The following ZNF140 variants were observed in gnomAD, a reference collection of about 807,000 sequenced individuals.
ZNF140 encodes zinc finger protein 140 (clone pHZ-39).
A neutral mutation model predicts 12.9 loss-of-function variants in ZNF140; 13 were observed. The observed-to-expected ratio is 1.01, with a 90% CI of 0.66 to 1.60. The LOEUF (loss-of-function observed/expected upper bound fraction) is 1.60. Among genes scored for constraint, ZNF140 ranks in the 40% most tolerant of loss-of-function variants. The pLI, the probability that ZNF140 is intolerant of heterozygous loss-of-function variation, is 0.00. For synonymous variants in ZNF140, 214 were observed against 186.7 expected, an observed-to-expected ratio of 1.15 and a Z score of -1.19; for missense variants, 531 against 548.8, an observed-to-expected ratio of 0.97 and a Z score of 0.32.
chr12:133,082,542 C>T (rs1211270483), intron 2 of ZNF140: 1 of 153,810 alleles, frequency 6.5e-6, no homozygotes, highest in Non-Finnish European at 1.4e-5. Context: ...ACATTCTCTT[C>T]TTGCGGAATC....
chr12:133,092,823 T>C (rs1470976431), intron 4 of ZNF140, among the ~76,000 whole-genome samples: 1 of 151,172 alleles, frequency 6.6e-6, no homozygotes, highest in Non-Finnish European at 1.5e-5. Flanking sequence ...CAGTCTATAA[T>C]AGTTCCAAAT....
At chr12:133,093,499 G>T in intron 4 of ZNF140, 1 of 698,952 alleles carries the variant, frequency 1.4e-6, no homozygotes, top group South Asian at 1.5e-5. Flanking sequence ...AACTTCTTTT[G>T]TAAGTTGTAA....
intron 4 of ZNF140, among the ~76,000 whole-genome samples, chr12:133,086,476 A>C (rs1461296389): frequency 6.5e-5 from 8 of 122,200 alleles, no homozygotes; most frequent in Admixed American, 6.1e-4. Flanking sequence ...CTGCGAAGTG[A>C]ATCTTGAAGA....
intron 4 of ZNF140, among the ~76,000 whole-genome samples, chr12:133,096,165 G>C (rs1212333800): frequency 2.1e-5 from 3 of 143,366 alleles, no homozygotes; most frequent in African/African-American, 7.8e-5. Flanking sequence ...GGTCCCTGTG[G>C]CTTTCTGCAG....
intron 2 of ZNF140, 44 bp downstream of exon 2, chr12:133,081,373 A>ATATATATATATATATATATATATT (rs1481354616): frequency 8.9e-6 from 2 of 223,828 alleles, no homozygotes; most frequent in African/African-American, 2.9e-5. Flanking sequence ...ATATATATAA[A>ATATATATATATATATATATATATT]TTTTTATTTT....
chr12:133,096,615 C>T (rs1955139586), intron 4 of ZNF140, among the ~76,000 whole-genome samples: 1 of 152,120 alleles, frequency 6.6e-6, no homozygotes, highest in South Asian at 2.1e-4. Context: ...TTTTAAGTTT[C>T]AGATTTCTTG....
chr12:133,085,129 A>C (rs1270002114), intron 4 of ZNF140, among the ~76,000 whole-genome samples: 2 of 151,646 alleles, frequency 1.3e-5, no homozygotes, highest in Non-Finnish European at 2.9e-5. Flanking sequence ...GGTTCAAGTG[A>C]TTCTGCTGCT....
In ZNF140 at chr12:133,106,663, A is replaced by G. The variant is rs866048915; in HGVS notation, c.*12A>G. 1 of 1,549,330 alleles carries G rather than the reference A, an allele frequency of 6.5e-7. No homozygotes were observed. Reference sequence around the variant, plus strand: ...CTGAACACCAGTGAATTTACACTGCAAAGAAAAACTATGAATGTATGGAAT... The same window carrying G: ...CTGAACACCAGTGAATTTACACTGCGAAGAAAAACTATGAATGTATGGAAT... On this transcript the variant is annotated 3_prime_UTR_variant, in exon 5 of 5. Coordinates refer to ENST00000355557, the MANE Select transcript of ZNF140 (RefSeq NM_003440.4).
rs1467456023 is a variant in ZNF140, at chr12:133,083,141, C to T, written c.48C>T (p.Ser16=). 66 of 1,614,026 alleles carry T rather than the reference C, an allele frequency of 4.1e-5. No homozygotes were observed. The East Asian group carries it at 1.4e-3, about 35-fold the overall frequency. Residue 16 remains serine, a synonymous_variant, in exon 3 of 5, where the codon TCC becomes TCT. Coordinates refer to ENST00000355557, the MANE Select transcript of ZNF140 (RefSeq NM_003440.4). ...TCAGAGATGTGGCCATAGACTTCTC[C>T]CAGGAGGAGTGGAAATGGCTTCAGC... ...VTFRDVAIDF[S]QEEWKWLQPA...
chr12:133,099,452 C>T (rs1955257095), intron 4 of ZNF140, among the ~76,000 whole-genome samples: 1 of 152,204 alleles, frequency 6.6e-6, no homozygotes, highest in South Asian at 2.1e-4. Flanking sequence ...GCTGGGATTA[C>T]AGGCATGAGC....
At chr12:133,101,975 A>AT (rs1955365497) in intron 4 of ZNF140, among the ~76,000 whole-genome samples, 1 of 149,170 alleles carries the variant, frequency 6.7e-6, no homozygotes, top group Non-Finnish European at 1.5e-5. Flanking sequence ...TTTTTTTGCC[A>AT]TTTAGTATAC....
At chr12:133,083,347 T>G in intron 3 of ZNF140, 118 bp downstream of exon 3, 8 of 1,491,712 alleles carry the variant, frequency 5.4e-6, no homozygotes, top group Non-Finnish European at 7.2e-6. Flanking sequence ...AGTTTTAAGA[T>G]GGGGACGTAA....
chr12:133,102,759 A>AAAG (rs1240463153), intron 4 of ZNF140, among the ~76,000 whole-genome samples: 4 of 149,614 alleles, frequency 2.7e-5, no homozygotes, highest in East Asian at 1.9e-4. Context: ...TTAAAAAAAA[A>AAAG]AAAAAGAAAA....
rs369267237 is a variant in ZNF140, at chr12:133,083,707, C to A, written c.232+146C>A. ...AGGCACGGTGGCTCATGCCGGTAAT[C>A]CCAGCACTTTGGGAGGCCGAGGTGG... is the stretch of plus-strand genomic sequence containing the variant. On this transcript the variant is annotated intron_variant, in intron 4 of 4. Transcript: ENST00000355557. The A allele has an allele frequency of 8.0e-6, 6 of 747,166 alleles. No homozygotes were observed. In the South Asian group the frequency reaches 9.9e-5, roughly 12 times the overall value. 46.3% of individuals were successfully genotyped at this position (747,166 alleles called of 1,614,324 possible). A position where few individuals can be genotyped will look rare whatever the true frequency, so the allele number is the denominator to read the frequency against.
At chr12:133,091,453 T>C (rs1202467165) in intron 4 of ZNF140, among the ~76,000 whole-genome samples, 1 of 151,300 alleles carries the variant, frequency 6.6e-6, no homozygotes, top group Non-Finnish European at 1.5e-5. Flanking sequence ...AGCAATTGTT[T>C]AAAGTACAGG....
chr12:133,090,846 C>T (rs1344269649), intron 4 of ZNF140, among the ~76,000 whole-genome samples: 3 of 129,086 alleles, frequency 2.3e-5, no homozygotes. Flanking sequence ...GGTACTATGC[C>T]TAGATGTGCA....
chr12:133,083,057 T>G, intron 2 of ZNF140, 46 bp from the exon 3 acceptor site: 2 of 1,613,588 alleles, frequency 1.2e-6, no homozygotes, highest in Non-Finnish European at 1.7e-6. Flanking sequence ...TGAGGGAGTT[T>G]GGGGGCATGC....
intron 4 of ZNF140, among the ~76,000 whole-genome samples, chr12:133,097,352 T>C (rs1955165506): frequency 6.6e-6 from 1 of 152,120 alleles, no homozygotes; most frequent in South Asian, 2.1e-4. Flanking sequence ...TTAAAATTTA[T>C]TTAATTTTTG....
intron 4 of ZNF140, among the ~76,000 whole-genome samples, chr12:133,105,193 T>G (rs948806736): frequency 1.1e-4 from 16 of 152,198 alleles, no homozygotes; most frequent in African/African-American, 3.9e-4. Context: ...TTTAGATAAT[T>G]CTGGCAGTAA....
Sources: gnomAD v4.1 joint callset for allele counts (sites outside exome capture counted in the v4.1 genomes callset) on GRCh38, gnomAD v4.1.1 for gene constraint, MANE v1.5 for transcripts, NCBI Gene and HGNC (gene_info 2026-07-23, HGNC 2026-07-21) for gene names.